The following POFUT3 variants were observed in gnomAD, a reference collection of about 807,000 sequenced individuals.
The protein encoded by POFUT3 is GDP-fucose protein O-fucosyltransferase 3.
At chr8:33,387,798 G>A in the POFUT3 span, among the ~76,000 whole-genome samples, 10 of 151,578 alleles carry the variant, frequency 6.6e-5, no homozygotes, top group East Asian at 1.9e-4. Flanking sequence ...AGTGAGACTC[G>A]GTCTCAAAAA....
chr8:33,385,241 T>G, the POFUT3 span, among the ~76,000 whole-genome samples: 1 of 151,862 alleles, frequency 6.6e-6, no homozygotes, highest in Non-Finnish European at 1.5e-5. Context: ...GGTTCCCGGG[T>G]GGTGGGGGAA....
the POFUT3 span, among the ~76,000 whole-genome samples, chr8:33,398,700 T>A: frequency 6.6e-6 from 1 of 152,178 alleles, no homozygotes; most frequent in Non-Finnish European, 1.5e-5. Flanking sequence ...CCTGCACATG[T>A]ACCCCGGAAC....
the POFUT3 span, among the ~76,000 whole-genome samples, chr8:33,444,606 T>C: frequency 1.3e-5 from 2 of 151,954 alleles, no homozygotes; most frequent in African/African-American, 4.8e-5. Flanking sequence ...TCACCTGAGG[T>C]CAGGAGTTTG....
the POFUT3 span, among the ~76,000 whole-genome samples, chr8:33,352,102 A>G: frequency 1.3e-5 from 2 of 152,160 alleles, no homozygotes; most frequent in Admixed American, 1.3e-4. Flanking sequence ...TGTAAATGAC[A>G]CTTTACACAA....
chr8:33,348,637 A>G, the POFUT3 span, among the ~76,000 whole-genome samples: 1 of 152,244 alleles, frequency 6.6e-6, no homozygotes, highest in Non-Finnish European at 1.5e-5. Flanking sequence ...TGGGGATATT[A>G]GGGCAGGCTT....
At chr8:33,414,139 G>C in the POFUT3 span, among the ~76,000 whole-genome samples, 2 of 152,048 alleles carry the variant, frequency 1.3e-5, no homozygotes, top group African/African-American at 4.8e-5. Flanking sequence ...GAATATCATT[G>C]AATAACCAGG....
the POFUT3 span, among the ~76,000 whole-genome samples, chr8:33,316,583 A>T: frequency 1.3e-5 from 2 of 151,604 alleles, no homozygotes; most frequent in Non-Finnish European, 2.9e-5. Context: ...AAAGAAAGAA[A>T]GAAAGAAAGA....
At chr8:33,413,309 G>A in the POFUT3 span, among the ~76,000 whole-genome samples, 1 of 152,070 alleles carries the variant, frequency 6.6e-6, no homozygotes, top group African/African-American at 2.4e-5. Flanking sequence ...CTTCTAACAA[G>A]AGGAAGAGAC....
the POFUT3 span, among the ~76,000 whole-genome samples, chr8:33,364,832 A>ATTCTG: frequency 6.6e-6 from 1 of 151,418 alleles, no homozygotes; most frequent in Non-Finnish European, 1.5e-5. Context: ...GAAAATGGCC[A>ATTCTG]CCCAAAGTAA....
chr8:33,434,442 TC>T, the POFUT3 span, among the ~76,000 whole-genome samples: 1 of 152,206 alleles, frequency 6.6e-6, no homozygotes, highest in African/African-American at 2.4e-5. Flanking sequence ...AGAAAGGAAG[TC>T]CCAGAGGGCA....
chr8:33,419,134 G>C, the POFUT3 span, among the ~76,000 whole-genome samples: 1 of 152,176 alleles, frequency 6.6e-6, no homozygotes, highest in East Asian at 1.9e-4. Flanking sequence ...GAATGAGGTA[G>C]AAAGAATAAA....
the POFUT3 span, among the ~76,000 whole-genome samples, chr8:33,332,507 A>G: frequency 9.2e-5 from 13 of 141,724 alleles, no homozygotes; most frequent in Middle Eastern, 7.0e-3. Context: ...AAAAAGAAGA[A>G]GAAGAAGAAG....
the POFUT3 span, chr8:33,371,086 CAG>C: frequency 1.3e-5 from 2 of 151,936 alleles, no homozygotes; most frequent in African/African-American, 2.4e-5. Context: ...GAATGTTACA[CAG>C]GGGAAAAAAA....
At chr8:33,318,613 G>C in the POFUT3 span, among the ~76,000 whole-genome samples, 2 of 71,794 alleles carry the variant, frequency 2.8e-5, no homozygotes, top group South Asian at 3.9e-4. Flanking sequence ...TAAATATATT[G>C]TATATATATT....
At chr8:33,309,167 A>AATATATAT in the POFUT3 span, among the ~76,000 whole-genome samples, 23 of 53,656 alleles carry the variant, frequency 4.3e-4, no homozygotes, top group African/African-American at 9.2e-4. Context: ...AAAAAAAAAA[A>AATATATAT]ATATATATAT....
the POFUT3 span, among the ~76,000 whole-genome samples, chr8:33,380,124 C>CTA: frequency 5.9e-5 from 3 of 51,240 alleles, no homozygotes; most frequent in Admixed American, 2.8e-4. Context: ...TATATATACA[C>CTA]TATATATATA....
chr8:33,472,231 C>A, the POFUT3 span, among the ~76,000 whole-genome samples: 1 of 152,208 alleles, frequency 6.6e-6, no homozygotes, highest in Admixed American at 6.5e-5. Flanking sequence ...CAATCCAAGT[C>A]ATTTCATGCA....
the POFUT3 span, among the ~76,000 whole-genome samples, chr8:33,377,046 C>T: frequency 6.6e-6 from 1 of 152,078 alleles, no homozygotes; most frequent in Admixed American, 6.5e-5. Context: ...GCCTGGCCAA[C>T]ATAGTGAAAC....
chr8:33,403,295 A>G, the POFUT3 span, among the ~76,000 whole-genome samples: 1 of 148,850 alleles, frequency 6.7e-6, no homozygotes, highest in Non-Finnish European at 1.5e-5. Flanking sequence ...TGTGTATGAG[A>G]GACAGTGTGT....
Sources: allele counts gnomAD v4.1 joint callset (sites outside exome capture counted in the v4.1 genomes callset), GRCh38; gene constraint gnomAD v4.1.1; transcripts MANE v1.5; gene names NCBI Gene and HGNC (gene_info 2026-07-23, HGNC 2026-07-21).